Variants in TSPAN12 observed in about 807,000 individuals in gnomAD.
TSPAN12 encodes the protein tetraspanin 12.
A neutral mutation model predicts 39.2 loss-of-function variants in TSPAN12; 19 were observed. The observed-to-expected ratio is 0.49, with a 90% confidence interval of 0.34 to 0.71. The LOEUF (loss-of-function observed/expected upper bound fraction) is 0.71. Ranked by LOEUF, TSPAN12 falls within the 30% of genes least tolerant of loss-of-function variation. TSPAN12 has a pLI of 0.01. For missense variants in TSPAN12, 314 were observed against 359.9 expected (o/e 0.87, Z 1.03); for synonymous variants, 119 against 124.8 (o/e 0.95, Z 0.31).
At chr7:120,816,603 A>G (rs1794088345) in intron 4 of TSPAN12, among the ~76,000 whole-genome samples, 1 of 152,116 alleles carries the variant, frequency 6.6e-6, no homozygotes, top group African/African-American at 2.4e-5. Context: ...TGGGGTGGTC[A>G]GAAAGAGGAA....
chr7:120,805,486 A>G (rs768979721), intron 7 of TSPAN12, among the ~76,000 whole-genome samples: 11 of 152,112 alleles, frequency 7.2e-5, no homozygotes, highest in Non-Finnish European at 8.8e-5. Context: ...TTAAATTTTC[A>G]TTCTTTATAG....
chr7:120,811,575 C>A (rs1793981815), intron 5 of TSPAN12, among the ~76,000 whole-genome samples: 1 of 148,534 alleles, frequency 6.7e-6, no homozygotes, highest in East Asian at 2.0e-4. Flanking sequence ...GAGGCTGAGG[C>A]AGGAGAATGG....
intron 4 of TSPAN12, among the ~76,000 whole-genome samples, chr7:120,816,984 C>A (rs1794095747): frequency 6.6e-6 from 1 of 152,010 alleles, no homozygotes; most frequent in Admixed American, 6.6e-5. Flanking sequence ...ATGTATTTCA[C>A]CAAAGCAGAT....
chr7:120,823,895 T>A (rs771638321), intron 4 of TSPAN12, among the ~76,000 whole-genome samples: 5 of 152,108 alleles, frequency 3.3e-5, no homozygotes, highest in Non-Finnish European at 7.3e-5. Context: ...ACAATAGCCC[T>A]CTGGAGGCCT....
At chr7:120,824,642 G>A (rs567851965) in intron 4 of TSPAN12, among the ~76,000 whole-genome samples, 10 of 151,844 alleles carry the variant, frequency 6.6e-5, no homozygotes, top group African/African-American at 1.5e-4. Flanking sequence ...TTCTTTTTAC[G>A]TCTTTACTTC....
At chr7:120,836,757 C>T (rs548518266) in intron 4 of TSPAN12, among the ~76,000 whole-genome samples, 1 of 152,146 alleles carries the variant, frequency 6.6e-6, no homozygotes, top group Non-Finnish European at 1.5e-5. Context: ...AATGCTCTTG[C>T]CAGTATTACA....
chr7:120,851,415 C>T (rs1479328688), intron 2 of TSPAN12, among the ~76,000 whole-genome samples: 2 of 151,962 alleles, frequency 1.3e-5, no homozygotes, highest in Admixed American at 6.6e-5. Context: ...TCTTTAGTAA[C>T]GGTAAGTAAA....
chr7:120,849,631 A>T (rs1355273396), intron 2 of TSPAN12, among the ~76,000 whole-genome samples: 1 of 152,254 alleles, frequency 6.6e-6, no homozygotes, highest in Non-Finnish European at 1.5e-5. Flanking sequence ...TCTTAGTTAC[A>T]GCTTTGTCTG....
chr7:120,806,823 CA>C (rs1178283947), intron 6 of TSPAN12, 131 bp from the exon 7 acceptor site: 10 of 1,109,548 alleles, frequency 9.0e-6, no homozygotes, highest in Non-Finnish European at 1.2e-5. Context: ...GATATATGTA[CA>C]GTCTATGTTG....
intron 3 of TSPAN12, 114 bp downstream of exon 3, chr7:120,839,913 G>T: frequency 2.5e-6 from 2 of 801,156 alleles, no homozygotes; most frequent in Middle Eastern, 3.2e-4. Flanking sequence ...AGGTTGCTAT[G>T]GGCAGGAAAA....
chr7:120,853,553 G>A (rs888191742), intron 2 of TSPAN12, among the ~76,000 whole-genome samples: 57 of 142,964 alleles, frequency 4.0e-4, no homozygotes, highest in Middle Eastern at 7.5e-3. Context: ...TAATATATTC[G>A]TATTTATACA....
In TSPAN12 at chr7:120,815,624, T is replaced by G. The variant is rs1199618393; in HGVS notation, c.360+105A>C. On this transcript the variant is annotated intron_variant, in intron 5 of 7. Coordinates refer to ENST00000222747, the MANE Select transcript of TSPAN12 (RefSeq NM_012338.4). ...GAGTTAATTTACAAATTACCCAGTC[T>G]TGGGCAGTTCTTTCATAGCGGAGTG... The G allele has an allele frequency of 2.9e-6, 3 of 1,043,130 alleles. No homozygotes were observed. The African/African-American group carries it at 4.8e-5, about 17-fold the overall frequency. 64.6% of individuals were successfully genotyped at this position (1,043,130 alleles called of 1,614,324 possible).
chr7:120,837,142 T>C (rs940866549), intron 4 of TSPAN12, among the ~76,000 whole-genome samples: 1 of 152,212 alleles, frequency 6.6e-6, no homozygotes, highest in African/African-American at 2.4e-5. Context: ...AGAAGGTTCA[T>C]GTAAAGTAAG....
rs182626030 is a variant in TSPAN12, at chr7:120,792,248, G to A, written c.613-3351C>T. Among the ~76,000 whole-genome samples, 414 of 152,266 alleles carry A rather than the reference G, an allele frequency of 2.7e-3. 4 individuals carry two copies. Among genetic ancestry groups the A allele is most frequent in the Admixed American group, 5.5e-3 (84 of 15,296 alleles). Reference sequence around the variant, plus strand: ...GCTCCTTCAAGGCGCCTCTCCCGGAGGATTGCTACTGTATGGCTGGTCTGG... The same window carrying A: ...GCTCCTTCAAGGCGCCTCTCCCGGAAGATTGCTACTGTATGGCTGGTCTGG... On this transcript the variant is annotated intron_variant, in intron 7 of 7. Coordinates refer to ENST00000222747, the MANE Select transcript of TSPAN12 (RefSeq NM_012338.4).
Position 120,856,908 on chromosome 7 carries a change from AC to A in TSPAN12, c.-70-76del, listed in dbSNP as rs1353327355. 58 of 844,848 alleles carry A rather than the reference AC, an allele frequency of 6.9e-5. No individual in the cohort carries two copies. In the African/African-American group the frequency reaches 9.5e-4, roughly 14 times the overall value. 52.3% of individuals were successfully genotyped at this position (844,848 alleles called of 1,614,324 possible). ...CCCACAGCCTGCCCGTCCCTCCTCC[AC>A]CCGCCCTCAGCAGGGTCCAGAGGGT... On this transcript the variant is annotated intron_variant, in intron 1 of 7. Transcript: ENST00000222747.
At chr7:120,816,748 A>G (rs1458991632) in intron 4 of TSPAN12, among the ~76,000 whole-genome samples, 1 of 152,164 alleles carries the variant, frequency 6.6e-6, no homozygotes, top group African/African-American at 2.4e-5. Flanking sequence ...GGGGAATGAC[A>G]TTATAAACTG....
At chr7:120,826,528 G>A (rs1250493802) in intron 4 of TSPAN12, among the ~76,000 whole-genome samples, 2 of 152,062 alleles carry the variant, frequency 1.3e-5, no homozygotes, top group East Asian at 3.9e-4. Context: ...TGAGACAGGG[G>A]TCCCCATTAC....
chr7:120,800,735 T>A (rs1793750367), intron 7 of TSPAN12, among the ~76,000 whole-genome samples: 1 of 146,276 alleles, frequency 6.8e-6, no homozygotes, highest in Non-Finnish European at 1.5e-5. Context: ...AAATAAAGTT[T>A]TCCTTATCGT....
chr7:120,808,256 C>T (rs1162030968), intron 6 of TSPAN12, among the ~76,000 whole-genome samples: 2 of 152,074 alleles, frequency 1.3e-5, no homozygotes, highest in Non-Finnish European at 2.9e-5. Context: ...ATATAATGTT[C>T]TTTCTCATTA....
Sources: allele counts gnomAD v4.1 joint callset (sites outside exome capture counted in the v4.1 genomes callset), GRCh38; gene constraint gnomAD v4.1.1; transcripts MANE v1.5; gene names NCBI Gene and HGNC (gene_info 2026-07-23, HGNC 2026-07-21).